ZNF461: variants seen among roughly 807,000 people sequenced by gnomAD.
The protein encoded by ZNF461 is gonadotropin-inducible ovarian transcription factor-1.
Under a neutral mutation model 18.3 loss-of-function variants are expected in ZNF461, and 16 were observed. The observed-to-expected ratio is 0.88, with a 90% CI of 0.59 to 1.33. ZNF461 has a LOEUF of 1.33. Among genes scored for constraint, ZNF461 ranks in the 40% most tolerant of loss-of-function variants. The pLI is 0.00. For missense variants in ZNF461, 595 were observed against 669.9 expected (o/e 0.89, Z 1.23); for synonymous variants, 179 against 216.9 (o/e 0.83, Z 1.54).
chr19:36,639,266 T>C lies in ZNF461; in HGVS notation c.1079A>G (p.Lys360Arg), dbSNP rs1427294319. The C allele has an allele frequency of 6.2e-7, 1 of 1,614,102 alleles. No homozygotes were observed. Among genetic ancestry groups the C allele is most frequent in the Admixed American group, 1.7e-5 (1 of 60,012 alleles). Residue 360 changes from lysine to arginine, a missense_variant, in exon 6 of 6, where the codon AAA (lysine) becomes AGA (arginine). Lys to Arg is a conservative substitution (Grantham distance 26). Transcript: ENST00000588268. ...ATGCCTAAAAGTCTTTCCACATTCTTTACATTCATAAGGTTTCTCTCCAGT... is the reference window on the plus strand; with the variant it reads ...ATGCCTAAAAGTCTTTCCACATTCTCTACATTCATAAGGTTTCTCTCCAGT... ...LHTGEKPYEC[K>R]ECGKTFRHRS... is the part of the protein sequence containing the mutation.
At chr19:36,662,026 C>A (rs774010454) in intron 2 of ZNF461, among the ~76,000 whole-genome samples, 2 of 151,942 alleles carry the variant, frequency 1.3e-5, no homozygotes, top group East Asian at 1.9e-4. Context: ...TGTGCCACCA[C>A]GTCTGGCTAA....
rs1197967811 is a variant in ZNF461, at chr19:36,636,964, G to A, written c.*1689C>T. ...AGATAAGAGAGCAGGTCACACTCTGGTCATAGGAACGTGATGGCAATTAGG... is the reference window on the plus strand; with the variant it reads ...AGATAAGAGAGCAGGTCACACTCTGATCATAGGAACGTGATGGCAATTAGG... On this transcript the variant is annotated 3_prime_UTR_variant, in exon 6 of 6. Coordinates refer to ENST00000588268, the MANE Select transcript of ZNF461 (RefSeq NM_153257.5). 3.3e-5 allele frequency among the ~76,000 whole-genome samples: 5 copies of A among 152,126 alleles called. No individual in the cohort carries two copies. The highest frequency in any genetic ancestry group is 7.3e-5 in the Non-Finnish European group (5 of 68,030).
At position 36,641,388 on chromosome 19, in the gene ZNF461, G is replaced by A. The variant is rs1056618028; in HGVS notation, c.302-1345C>T. Among the ~76,000 whole-genome samples, 27 of 151,724 alleles carry A rather than the reference G, an allele frequency of 1.8e-4. 1 individual carries two copies. Among genetic ancestry groups the A allele is most frequent in the African/African-American group, 9.7e-5 (4 of 41,294 alleles). On this transcript the variant is annotated intron_variant, in intron 5 of 5. Transcript: ENST00000588268. Reference sequence around the variant, plus strand: ...ACAAAAATTAGCTGGACGTGGTGGCGGATGCCTGTAATCCCAGCTACTCGG... The same window carrying A: ...ACAAAAATTAGCTGGACGTGGTGGCAGATGCCTGTAATCCCAGCTACTCGG...
chr19:36,652,271 C>T (rs916083227), intron 4 of ZNF461, among the ~76,000 whole-genome samples: 39 of 151,462 alleles, frequency 2.6e-4, no homozygotes, highest in African/African-American at 3.9e-4. Flanking sequence ...GCAGGCAGAT[C>T]GCCTGAGGTC....
chr19:36,655,631 C>A (rs571249162), intron 4 of ZNF461, among the ~76,000 whole-genome samples: 1 of 152,088 alleles, frequency 6.6e-6, no homozygotes, highest in Admixed American at 6.6e-5. Flanking sequence ...TTAATAAACA[C>A]TATAGATTGT....
chr19:36,637,898 T>C lies in ZNF461; in HGVS notation c.*755A>G. On this transcript the variant is annotated 3_prime_UTR_variant, in exon 6 of 6. Coordinates refer to ENST00000588268, the MANE Select transcript of ZNF461 (RefSeq NM_153257.5). Reference sequence around the variant, plus strand: ...TAGGGGAGAATTAATTTTCACATTTTTGGTAATTTTTGAATTTTTATAATG... The same window carrying C: ...TAGGGGAGAATTAATTTTCACATTTCTGGTAATTTTTGAATTTTTATAATG... 2.7e-6 allele frequency: 1 copy of C among 368,038 alleles called. No individual in the cohort carries two copies. Among genetic ancestry groups the C allele is most frequent in the Non-Finnish European group, 5.3e-6 (1 of 188,776 alleles). 22.8% of individuals were successfully genotyped at this position (368,038 alleles called of 1,614,324 possible).
At position 36,658,332 on chromosome 19, in the gene ZNF461, T is replaced by G. The variant is rs374966440; in HGVS notation, c.103A>C (p.Met35Leu). The change falls in exon 3 of 6, where the codon ATG becomes CTG. Residue 35 changes from methionine to leucine, a missense_variant. Met to Leu is a conservative substitution (Grantham distance 15). Coordinates refer to ENST00000588268, the MANE Select transcript of ZNF461 (RefSeq NM_153257.5). ...ACCAAGTTGCTATAATTCTCCAACATCACCTCCTTGTACAAATTCCTCTGC... is the reference window on the plus strand; with the variant it reads ...ACCAAGTTGCTATAATTCTCCAACAGCACCTCCTTGTACAAATTCCTCTGC... ...PAQRNLYKEV[M>L]LENYSNLVSL... is the part of the protein sequence containing the mutation. 6.2e-7 allele frequency: 1 copy of G among 1,610,684 alleles called. No homozygotes were observed. The highest frequency in any genetic ancestry group is 1.3e-5 in the African/African-American group (1 of 74,872).
chr19:36,652,866 G>C (rs2037654004), intron 4 of ZNF461, among the ~76,000 whole-genome samples: 2 of 152,130 alleles, frequency 1.3e-5, no homozygotes, highest in African/African-American at 4.8e-5. Context: ...AAGGCATTCT[G>C]TCTAAGATAC....
intron 1 of ZNF461, among the ~76,000 whole-genome samples, chr19:36,666,120 G>A (rs1432327269): frequency 6.8e-6 from 1 of 146,992 alleles, no homozygotes; most frequent in Non-Finnish European, 1.5e-5. Flanking sequence ...AGACAGTTTC[G>A]TTTCACTCTT....
At chr19:36,650,074 C>G (rs554775648) in intron 4 of ZNF461, among the ~76,000 whole-genome samples, 2 of 152,152 alleles carry the variant, frequency 1.3e-5, no homozygotes, top group Admixed American at 6.5e-5. Context: ...ACTCAGGAGG[C>G]TGAGGCAGGA....
chr19:36,640,099 ATATC>A (rs2037398497), intron 5 of ZNF461, 56 bp from the exon 6 acceptor site: 2 of 1,421,910 alleles, frequency 1.4e-6, no homozygotes, highest in African/African-American at 1.4e-5. Flanking sequence ...GAGAAATAAA[ATATC>A]TATGGTAGCA....
chr19:36,664,839 C>G, intron 1 of ZNF461, 53 bp from the exon 2 acceptor site: 1 of 585,574 alleles, frequency 1.7e-6, no homozygotes, highest in Non-Finnish European at 2.8e-6. Context: ...CTCTAAGCTC[C>G]CAAAATGTTA....
chr19:36,656,188 G>A (rs966664234), intron 4 of ZNF461, among the ~76,000 whole-genome samples: 3 of 151,726 alleles, frequency 2.0e-5, no homozygotes, highest in Non-Finnish European at 4.4e-5. Flanking sequence ...TAGTAGAGAC[G>A]GGGTTTCACC....
chr19:36,660,084 C>T (rs68012004), intron 2 of ZNF461, among the ~76,000 whole-genome samples: 46,783 of 150,932 alleles, frequency 0.31, 7,634 homozygotes, highest in East Asian at 0.57. Flanking sequence ...CCACAGCCTT[C>T]GTACCACTGT....
rs1419857735 is a variant in ZNF461, at chr19:36,638,757, C to A, written c.1588G>T (p.Ala530Ser). 13 of 1,614,124 alleles carry A rather than the reference C, an allele frequency of 8.1e-6. No homozygotes were observed. In the East Asian group the frequency reaches 2.9e-4, roughly 36 times the overall value. Residue 530 changes from alanine (A) to serine (S), a missense_variant, in exon 6 of 6, where the codon GCG becomes TCG. Ala to Ser is a moderately conservative substitution (Grantham distance 99). Coordinates refer to ENST00000588268, the MANE Select transcript of ZNF461 (RefSeq NM_153257.5). Reference protein sequence around the residue: ...SGKKPYQCGKAFNHRLQLNLH... With the variant: ...SGKKPYQCGKSFNHRLQLNLH... ...TTAAGTTGTAATCTATGATTAAACG[C>A]CTTCCCGCATTGATAAGGTTTCTTT... is the stretch of plus-strand genomic sequence containing the variant.
At chr19:36,642,111 T>G (rs2037435608) in intron 5 of ZNF461, among the ~76,000 whole-genome samples, 1 of 152,126 alleles carries the variant, frequency 6.6e-6, no homozygotes, top group Non-Finnish European at 1.5e-5. Flanking sequence ...AATCATTTTT[T>G]GTAGAGAAAA....
chr19:36,656,788 G>A (rs73036297), intron 3 of ZNF461, among the ~76,000 whole-genome samples: 23,781 of 150,168 alleles, frequency 0.16, 2,298 homozygotes, highest in Non-Finnish European at 0.22. Flanking sequence ...TTTTTGCTGT[G>A]AGGAAAAAAA....
In ZNF461 at chr19:36,638,934, A is replaced by T. The variant is rs372996309; in HGVS notation, c.1411T>A (p.Cys471Ser). The T allele has an allele frequency of 2.5e-6, 4 of 1,607,596 alleles. No homozygotes were observed. Among genetic ancestry groups the T allele is most frequent in the African/African-American group, 1.3e-5 (1 of 74,818 alleles). ...CTAAAGGCCTTACCACATATCATGC[A>T]TTCATGAGGTTTCTCACCAGTATGA... ...RIHTGEKPHE[C>S]MICGKAFRLH... Residue 471 changes from cysteine to serine, a missense_variant, in exon 6 of 6, where the codon TGC becomes AGC. By Grantham distance (112) the Cys-to-Ser change is moderately radical. Transcript: ENST00000588268.
At chr19:36,648,213 C>A (rs938193088) in intron 4 of ZNF461, among the ~76,000 whole-genome samples, 1 of 151,680 alleles carries the variant, frequency 6.6e-6, no homozygotes, top group African/African-American at 2.4e-5. Context: ...CACCTCCCCA[C>A]GCCCCCCACT....
Sources: gnomAD v4.1 joint callset for allele counts (sites outside exome capture counted in the v4.1 genomes callset) on GRCh38, gnomAD v4.1.1 for gene constraint, MANE v1.5 for transcripts, NCBI Gene and HGNC (gene_info 2026-07-23, HGNC 2026-07-21) for gene names.